SENP1: variants seen among roughly 807,000 people sequenced by gnomAD.
SENP1 encodes the protein SUMO specific peptidase 1.
Under a neutral mutation model 93.0 loss-of-function variants are expected in SENP1, and 21 were observed. That is an observed-to-expected ratio of 0.23 (90% confidence interval 0.16 to 0.33). The LOEUF (loss-of-function observed/expected upper bound fraction) is 0.33, where lower values mean the gene tolerates loss of function less well. Among genes scored for constraint, SENP1 ranks in the 10% least tolerant of loss-of-function variants. The pLI, the probability that SENP1 is intolerant of heterozygous loss-of-function variation, is 1.00. For synonymous variants in SENP1, 256 were observed against 259.6 expected (o/e 0.99, Z 0.13); for missense variants, 591 against 758.7 (o/e 0.78, Z 2.60).
At chr12:48,059,436 G>A (rs1473459879) in intron 13 of SENP1, among the ~76,000 whole-genome samples, 3 of 151,734 alleles carry the variant, frequency 2.0e-5, no homozygotes, top group African/African-American at 7.3e-5. Flanking sequence ...GTTCAAGGTC[G>A]GTCTTGTTTA....
chr12:48,098,792 A>T (rs955175749), intron 2 of SENP1, among the ~76,000 whole-genome samples: 1 of 152,074 alleles, frequency 6.6e-6, no homozygotes, highest in African/African-American at 2.4e-5. Context: ...AGCCTGGGGG[A>T]CAGAGGGAGA....
At chr12:48,092,657 CATAT>C (rs1945290876) in intron 4 of SENP1, among the ~76,000 whole-genome samples, 2 of 151,940 alleles carry the variant, frequency 1.3e-5, no homozygotes, top group African/African-American at 2.4e-5. Context: ...TAATCATCAC[CATAT>C]ATATAGTAAC....
chr12:48,079,242 G>A (rs1328368425), intron 6 of SENP1, among the ~76,000 whole-genome samples: 1 of 152,126 alleles, frequency 6.6e-6, no homozygotes, highest in Non-Finnish European at 1.5e-5. Flanking sequence ...GCTCAAGCCT[G>A]TAATACCAGC....
chr12:48,046,908 A>T, intron 16 of SENP1, 70 bp downstream of exon 16: 1 of 985,238 alleles, frequency 1.0e-6, no homozygotes, highest in Non-Finnish European at 1.6e-6. Context: ...CCTGGGAATT[A>T]AGCAGTAAAA....
In SENP1 at chr12:48,065,098, A is replaced by G. The variant is rs774960025; in HGVS notation, c.1242T>C (p.Thr414=). Residue 414 remains threonine, a synonymous_variant, in exon 12 of 18, where the codon ACT becomes ACC. Transcript: ENST00000549518. Reference sequence around the variant, plus strand: ...TTTCAGGAAATTCATCTTCACTATCAGTTAATTTATGACCTTTTTTTTGTG... The same window carrying G: ...TTTCAGGAAATTCATCTTCACTATCGGTTAATTTATGACCTTTTTTTTGTG... The part of the protein sequence containing the change: ...QETQKKGHKL[T]DSEDEFPEIT... 6.2e-7 allele frequency: 1 copy of G among 1,605,130 alleles called. No homozygotes were observed. The highest frequency in any genetic ancestry group is 1.7e-5 in the Admixed American group (1 of 59,958).
chr12:48,053,245 G>A (rs1256918663), intron 13 of SENP1, among the ~76,000 whole-genome samples: 1 of 152,062 alleles, frequency 6.6e-6, no homozygotes, highest in Non-Finnish European at 1.5e-5. Flanking sequence ...AGGCTAAGGT[G>A]GTAGGATCAC....
chr12:48,049,202 G>T, intron 13 of SENP1, 70 bp from the exon 14 acceptor site: 3 of 1,087,834 alleles, frequency 2.8e-6, no homozygotes, highest in Non-Finnish European at 2.8e-6. Context: ...TGCAGTTGCT[G>T]TGTTGAATAG....
intron 9 of SENP1, 81 bp from the exon 10 acceptor site, chr12:48,067,046 T>C: frequency 1.1e-6 from 1 of 938,210 alleles, no homozygotes; most frequent in East Asian, 2.6e-5. Context: ...ATAAAAACAA[T>C]CATTTAAATT....
intron 13 of SENP1, among the ~76,000 whole-genome samples, chr12:48,057,082 T>C (rs181535700): frequency 8.1e-5 from 4 of 49,160 alleles, no homozygotes; most frequent in South Asian, 6.8e-4. Context: ...TAATATATTA[T>C]ATATTACATA....
chr12:48,058,278 A>C (rs987483041), intron 13 of SENP1, among the ~76,000 whole-genome samples: 4 of 152,248 alleles, frequency 2.6e-5, no homozygotes, highest in Middle Eastern at 3.4e-3. Flanking sequence ...CTATTAGACA[A>C]TTTAAAATAT....
At chr12:48,083,452 AAG>A in intron 6 of SENP1, 137 bp downstream of exon 6, 1 of 711,174 alleles carries the variant, frequency 1.4e-6, no homozygotes, top group Non-Finnish European at 2.4e-6. Flanking sequence ...AACACTCAAA[AAG>A]AGTAATTCAG....
At chr12:48,101,804 CTGAG>C (rs1239562302) in intron 1 of SENP1, among the ~76,000 whole-genome samples, 1 of 152,230 alleles carries the variant, frequency 6.6e-6, no homozygotes, top group African/African-American at 2.4e-5. Flanking sequence ...CCTTAAGAGA[CTGAG>C]TGGTTTGCAT....
chr12:48,091,714 C>T (rs1945237024), intron 4 of SENP1, among the ~76,000 whole-genome samples: 1 of 152,092 alleles, frequency 6.6e-6, no homozygotes, highest in Non-Finnish European at 1.5e-5. Context: ...GGGTCTCCCT[C>T]TGTCCCCATG....
intron 1 of SENP1, among the ~76,000 whole-genome samples, chr12:48,103,133 AATT>A (rs1357534750): frequency 1.3e-5 from 2 of 152,184 alleles, no homozygotes; most frequent in African/African-American, 2.4e-5. Flanking sequence ...GCCTTTTTAA[AATT>A]ATTATTAAGA....
At chr12:48,084,191 T>TGCATAAAGG (rs1944676989) in intron 5 of SENP1, among the ~76,000 whole-genome samples, 2 of 152,188 alleles carry the variant, frequency 1.3e-5, no homozygotes, top group Non-Finnish European at 2.9e-5. Flanking sequence ...TATGTAAAAA[T>TGCATAAAGG]GCATAAAGGC....
chr12:48,105,858 G>A (rs950944034), intron 1 of SENP1, 170 bp downstream of exon 1: 10 of 603,496 alleles, frequency 1.7e-5, no homozygotes, highest in South Asian at 9.8e-5. Flanking sequence ...CGGACAGCAG[G>A]GGGGAGGGGA....
At chr12:48,053,941 A>C (rs967358390) in intron 13 of SENP1, among the ~76,000 whole-genome samples, 1 of 152,130 alleles carries the variant, frequency 6.6e-6, no homozygotes, top group Non-Finnish European at 1.5e-5. Context: ...CCCATCCCCC[A>C]AAAAAGAGAC....
chr12:48,056,323 T>A (rs1301843996), intron 13 of SENP1, among the ~76,000 whole-genome samples: 1 of 79,422 alleles, frequency 1.3e-5, no homozygotes, highest in Admixed American at 2.0e-4. Context: ...ATATCACATA[T>A]ATAAATATTA....
intron 6 of SENP1, among the ~76,000 whole-genome samples, chr12:48,076,761 G>C (rs1273052945): frequency 6.6e-6 from 1 of 151,012 alleles, no homozygotes; most frequent in Non-Finnish European, 1.5e-5. Context: ...TCCTGCTTCA[G>C]CCTCCCTAGT....
Sources: allele counts gnomAD v4.1 joint callset (sites outside exome capture counted in the v4.1 genomes callset), GRCh38; gene constraint gnomAD v4.1.1; transcripts MANE v1.5; gene names NCBI Gene and HGNC (gene_info 2026-07-23, HGNC 2026-07-21).